AFF2: variants seen among roughly 807,000 people sequenced by gnomAD.
AFF2 encodes AF4/FMR2 family member 2.
In AFF2, 14 loss-of-function variants were observed where a neutral mutation model predicts 76.9. The ratio of observed to expected loss-of-function variants is 0.18; its 90% CI spans 0.12 to 0.28. The LOEUF (loss-of-function observed/expected upper bound fraction) is 0.28. Among genes scored for constraint, AFF2 ranks in the 10% least tolerant of loss-of-function variants. The pLI, the probability that AFF2 is intolerant of heterozygous loss-of-function variation, is 1.00. For missense variants in AFF2, 868 were observed against 1,001.1 expected (o/e 0.87, Z 1.79); for synonymous variants, 398 against 366.7 (o/e 1.09, Z -0.98).
intron 4 of AFF2, among the ~76,000 whole-genome samples, chrX:148,821,374 T>C (rs1291138963): frequency 6.3e-5 from 7 of 110,822 alleles, no homozygotes; most frequent in African/African-American, 9.9e-5. Context: ...AAGTGTTCAA[T>C]AGAGGCACTG....
chrX:148,749,940 C>T (rs1010045526), intron 3 of AFF2, among the ~76,000 whole-genome samples: 1 of 96,059 alleles, frequency 1.0e-5, no homozygotes, highest in Non-Finnish European at 2.1e-5. Flanking sequence ...TGCTGAGGGC[C>T]TGCACCCTTT....
intron 9 of AFF2, among the ~76,000 whole-genome samples, chrX:148,926,518 T>C (rs2071652717): frequency 9.0e-6 from 1 of 111,707 alleles, no homozygotes; most frequent in Non-Finnish European, 1.9e-5. Flanking sequence ...TCATTACTCT[T>C]GTTGGGGATC....
chrX:148,592,487 TA>T (rs11357532), intron 1 of AFF2, among the ~76,000 whole-genome samples: 7,297 of 92,427 alleles, frequency 0.079, 405 homozygotes, highest in African/African-American at 0.21. Context: ...AGGCCTGCTA[TA>T]AAAAAAAAAA....
intron 3 of AFF2, among the ~76,000 whole-genome samples, chrX:148,693,509 T>C (rs188410499): frequency 8.9e-6 from 1 of 112,277 alleles, no homozygotes; most frequent in East Asian, 2.8e-4. Context: ...TTGATGGTGG[T>C]ACATTTAATA....
At chrX:148,576,401 T>A (rs2053287873) in intron 1 of AFF2, among the ~76,000 whole-genome samples, 1 of 111,855 alleles carries the variant, frequency 8.9e-6, no homozygotes, top group African/African-American at 3.2e-5. Context: ...AGCAAAACTC[T>A]TTAATTTCCT....
intron 1 of AFF2, among the ~76,000 whole-genome samples, chrX:148,616,258 G>C (rs1180439785): frequency 4.5e-5 from 5 of 111,694 alleles, no homozygotes; most frequent in Non-Finnish European, 5.7e-5. Flanking sequence ...TTTACTAGCC[G>C]TATGATCTTG....
chrX:148,600,394 A>T (rs1226199344), intron 1 of AFF2, among the ~76,000 whole-genome samples: 3 of 111,756 alleles, frequency 2.7e-5, no homozygotes, highest in Non-Finnish European at 5.6e-5. Context: ...ATCTGATGTT[A>T]TTATTAGCGA....
chrX:148,735,983 T>C (rs1029741164), intron 3 of AFF2, among the ~76,000 whole-genome samples: 9 of 112,491 alleles, frequency 8.0e-5, no homozygotes, highest in Non-Finnish European at 1.7e-4. Context: ...TTCAATTGTA[T>C]ATCTATACCA....
At chrX:148,843,513 G>T in intron 7 of AFF2, 80 bp downstream of exon 7, 1 of 838,745 alleles carries the variant, frequency 1.2e-6, no homozygotes. Flanking sequence ...ATCTAATCTT[G>T]TTCTCTCCTC....
chrX:148,751,744 A>G (rs782504382), intron 3 of AFF2, among the ~76,000 whole-genome samples: 13 of 111,795 alleles, frequency 1.2e-4, no homozygotes, highest in African/African-American at 4.2e-4. Flanking sequence ...CCATTTCTTA[A>G]CTAGGCCTCA....
chrX:148,926,067 G>A (rs1557283746), intron 9 of AFF2, among the ~76,000 whole-genome samples: 1 of 112,111 alleles, frequency 8.9e-6, no homozygotes, highest in Admixed American at 9.5e-5. Context: ...GTAAGTGCTG[G>A]ATAAGTATCT....
chrX:148,868,361 G>A (rs193261950), intron 7 of AFF2, among the ~76,000 whole-genome samples: 3 of 112,222 alleles, frequency 2.7e-5, no homozygotes, highest in Admixed American at 1.9e-4. Flanking sequence ...TGCCCTTGAA[G>A]AATCCTAATT....
chrX:148,659,067 G>A (rs1250227159), intron 2 of AFF2, among the ~76,000 whole-genome samples: 3 of 111,872 alleles, frequency 2.7e-5, no homozygotes, highest in Non-Finnish European at 5.6e-5. Context: ...GTAGTAGAAG[G>A]TTGATTTTCC....
chrX:148,722,753 A>G (rs1557263932), intron 3 of AFF2, among the ~76,000 whole-genome samples: 1 of 111,015 alleles, frequency 9.0e-6, no homozygotes. Flanking sequence ...TACTCCCTCA[A>G]TTCTTAGCCA....
At chrX:148,757,099 C>G (rs185293931) in intron 3 of AFF2, among the ~76,000 whole-genome samples, 1 of 112,730 alleles carries the variant, frequency 8.9e-6, no homozygotes, top group Admixed American at 9.4e-5. Flanking sequence ...TAACATAGTA[C>G]TGGCCGCCAT....
At chrX:148,867,556 A>G (rs1301944476) in intron 7 of AFF2, among the ~76,000 whole-genome samples, 1 of 112,482 alleles carries the variant, frequency 8.9e-6, no homozygotes, top group Non-Finnish European at 1.9e-5. Context: ...TTTAAAAAGT[A>G]TCCTTTGATA....
At chrX:148,589,383 T>C (rs1269740291) in intron 1 of AFF2, among the ~76,000 whole-genome samples, 2 of 111,700 alleles carry the variant, frequency 1.8e-5, no homozygotes, top group Non-Finnish European at 3.8e-5. Flanking sequence ...CAGGACACCA[T>C]GGAGATAGGG....
In AFF2 at chrX:148,581,532, A is replaced by ATACGTATACGTATACGTGTACACACATG. The variant is rs1569551666; in HGVS notation, c.48-70465_48-70464insCGTATACGTATACGTGTACACACATGTA. 7.5e-5 allele frequency among the ~76,000 whole-genome samples: 7 copies of ATACGTATACGTATACGTGTACACACATG among 93,671 alleles called. 2 individuals are homozygous for ATACGTATACGTATACGTGTACACACATG. Among genetic ancestry groups the ATACGTATACGTATACGTGTACACACATG allele is most frequent in the African/African-American group, 3.1e-4 (7 of 22,913 alleles). 81.3% of individuals were successfully genotyped at this position (93,671 alleles called of 115,157 possible). ...CGTATACGTCTACGTGTACACACAT[A>ATACGTATACGTATACGTGTACACACATG]TATACGTATACGTCTACGTGTACAC... On this transcript the variant is annotated intron_variant, in intron 1 of 20. Transcript: ENST00000370460.
intron 2 of AFF2, among the ~76,000 whole-genome samples, chrX:148,659,636 C>T (rs1394194769): frequency 2.7e-5 from 3 of 112,317 alleles, no homozygotes; most frequent in Admixed American, 9.4e-5. Context: ...ATCTGTTTGA[C>T]AGGCCAAAAC....
Sources: gnomAD v4.1 joint callset for allele counts (sites outside exome capture counted in the v4.1 genomes callset) on GRCh38, gnomAD v4.1.1 for gene constraint, MANE v1.5 for transcripts, NCBI Gene and HGNC (gene_info 2026-07-23, HGNC 2026-07-21) for gene names.